CUL1: variants seen among roughly 807,000 people sequenced by gnomAD.
CUL1 encodes the protein cullin-1.
CUL1 carries 24 observed loss-of-function variants against 118.0 expected under a neutral mutation model. The ratio of observed to expected loss-of-function variants is 0.20; its 90% CI spans 0.15 to 0.29. The LOEUF is 0.29. CUL1 is among the 10% of genes least tolerant of loss of function. The pLI, the probability that CUL1 is intolerant of heterozygous loss-of-function variation, is 1.00. For missense variants in CUL1, 361 were observed against 933.8 expected (o/e 0.39, Z 7.99); for synonymous variants, 332 against 340.4 (o/e 0.98, Z 0.27).
intron 1 of CUL1, among the ~76,000 whole-genome samples, chr7:148,727,724 G>T: frequency 6.6e-6 from 1 of 152,054 alleles, no homozygotes. Context: ...AGAAGCAGTA[G>T]CAGATGCAGA....
At chr7:148,703,869 A>AG (rs578044926) in intron 1 of CUL1, among the ~76,000 whole-genome samples, 4 of 152,242 alleles carry the variant, frequency 2.6e-5, no homozygotes, top group South Asian at 4.1e-4. Flanking sequence ...CTGTCATTTT[A>AG]GGGGGGTAAG....
chr7:148,786,607 C>T lies in CUL1; in HGVS notation c.1347+8C>T, dbSNP rs376260518. The T allele has an allele frequency of 2.5e-6, 4 of 1,611,820 alleles. No individual in the cohort carries two copies. The highest frequency in any genetic ancestry group is 3.3e-5 in the Admixed American group (2 of 59,874). The stretch of plus-strand genomic sequence containing the variant: ...GACACACTCAATCAAGTGGTAAGTG[C>T]TTCATGAGCATACCCATTTCCAGTA... On this transcript the variant is annotated splice_region_variant and intron_variant, in intron 12 of 21. Transcript: ENST00000325222.
chr7:148,722,941 CCTT>C (rs1217202775), intron 1 of CUL1, among the ~76,000 whole-genome samples: 2 of 152,242 alleles, frequency 1.3e-5, no homozygotes, highest in African/African-American at 2.4e-5. Context: ...CCTTCTTACT[CCTT>C]CACAGCCCAC....
At chr7:148,776,653 TTCTC>T (rs1800412258) in intron 9 of CUL1, among the ~76,000 whole-genome samples, 1 of 152,060 alleles carries the variant, frequency 6.6e-6, no homozygotes, top group African/African-American at 2.4e-5. Context: ...ACACCCTTCT[TTCTC>T]TTAATTATAG....
chr7:148,758,361 T>C (rs1210080711), intron 4 of CUL1, among the ~76,000 whole-genome samples: 2 of 152,198 alleles, frequency 1.3e-5, no homozygotes, highest in African/African-American at 4.8e-5. Context: ...TTTGACAAAT[T>C]TAAAAGAAAA....
At chr7:148,729,916 C>T (rs1584773658) in intron 1 of CUL1, 46 bp from the exon 2 acceptor site, 1 of 549,640 alleles carries the variant, frequency 1.8e-6, no homozygotes, top group African/African-American at 1.9e-5. Context: ...CACCTTATTA[C>T]AGTACCCCAG....
intron 9 of CUL1, among the ~76,000 whole-genome samples, chr7:148,783,058 T>C (rs1001117158): frequency 6.6e-6 from 1 of 152,208 alleles, no homozygotes; most frequent in Admixed American, 6.5e-5. Context: ...TGAAGGGTGG[T>C]GGCGGCGTGC....
Position 148,800,896 on chromosome 7 carries a change from T to G in CUL1, c.*314T>G. 4.4e-6 allele frequency: 1 copy of G among 228,846 alleles called. No homozygotes were observed. The highest frequency in any genetic ancestry group is 8.5e-6 in the Non-Finnish European group (1 of 117,152). The allele number at this position is 228,846 out of a possible 1,614,324, so 14.2% of individuals were successfully genotyped here. On this transcript the variant is annotated 3_prime_UTR_variant, in exon 22 of 22. Transcript: ENST00000325222. The surrounding 1 kb of genome is among the most constrained non-coding windows in gnomAD (Gnocchi z 4.6). ...GGCTCCCCGATTCGCAGCTGTCGTC[T>G]TGGCAGCACTTGTCACGTTGGCAGC...
chr7:148,796,955 C>T (rs777363821), intron 17 of CUL1, among the ~76,000 whole-genome samples: 8 of 152,160 alleles, frequency 5.3e-5, no homozygotes, highest in Admixed American at 1.3e-4. Flanking sequence ...CCCATTATGA[C>T]GACAGGACTC....
At chr7:148,751,585 C>T (rs1799494143) in intron 2 of CUL1, among the ~76,000 whole-genome samples, 1 of 146,772 alleles carries the variant, frequency 6.8e-6, no homozygotes, top group Non-Finnish European at 1.5e-5. Context: ...CTTAGTATTT[C>T]TGTGCTCCAA....
intron 9 of CUL1, among the ~76,000 whole-genome samples, chr7:148,775,817 C>G (rs939827450): frequency 6.6e-6 from 1 of 151,098 alleles, no homozygotes; most frequent in African/African-American, 2.4e-5. Context: ...AATCTATATT[C>G]CTGCTAAAGA....
intron 9 of CUL1, among the ~76,000 whole-genome samples, chr7:148,781,604 A>G (rs1435345702): frequency 6.6e-6 from 1 of 152,258 alleles, no homozygotes; most frequent in Non-Finnish European, 1.5e-5. Flanking sequence ...ACATTTTGAG[A>G]AAATACAGAA....
intron 2 of CUL1, 147 bp downstream of exon 2, chr7:148,730,409 T>C (rs1798721757): frequency 1.0e-6 from 1 of 974,262 alleles, no homozygotes; most frequent in Admixed American, 2.9e-5. Context: ...CTTAAGTTTT[T>C]GAACAGAGTA....
At chr7:148,733,756 G>T (rs1189957868) in intron 2 of CUL1, among the ~76,000 whole-genome samples, 1 of 152,120 alleles carries the variant, frequency 6.6e-6, no homozygotes. Context: ...AGGAAAACTG[G>T]TTGAGAGAAA....
intron 1 of CUL1, among the ~76,000 whole-genome samples, chr7:148,702,099 C>G (rs901939682): frequency 2.6e-5 from 4 of 152,090 alleles, no homozygotes; most frequent in Non-Finnish European, 4.4e-5. Context: ...AAAATAGATC[C>G]TATTTGGATA....
chr7:148,787,318 C>T lies in CUL1; in HGVS notation c.1479+198C>T, dbSNP rs751843630. Among the ~76,000 whole-genome samples the T allele has an allele frequency of 1.1e-4, 16 of 151,894 alleles. No individual in the cohort carries two copies. The highest frequency in any genetic ancestry group is 2.0e-4 in the Admixed American group (3 of 15,262). Reference sequence around the variant, plus strand: ...TCTGCTAAAAATACAAAACATTAGCCGGGCATGGTGGTGGGCGCCTGTAGT... The same window carrying T: ...TCTGCTAAAAATACAAAACATTAGCTGGGCATGGTGGTGGGCGCCTGTAGT... On this transcript the variant is annotated intron_variant, in intron 13 of 21. Transcript: ENST00000325222. The surrounding 1 kb of genome is among the most constrained non-coding windows in gnomAD (Gnocchi z 5.5).
intron 1 of CUL1, among the ~76,000 whole-genome samples, chr7:148,728,853 A>T (rs369022254): frequency 1.5e-4 from 23 of 152,188 alleles, no homozygotes; most frequent in African/African-American, 4.6e-4. Context: ...GCCATTGAGG[A>T]TATAGGATGA....
chr7:148,761,847 G>A (rs1037791784), intron 7 of CUL1, among the ~76,000 whole-genome samples: 1 of 152,230 alleles, frequency 6.6e-6, no homozygotes, highest in Non-Finnish European at 1.5e-5. Context: ...CACAGACGGT[G>A]GCTGGGGGAA....
intron 9 of CUL1, among the ~76,000 whole-genome samples, chr7:148,769,326 C>T (rs1056548393): frequency 1.3e-5 from 2 of 151,204 alleles, no homozygotes; most frequent in Admixed American, 1.3e-4. Flanking sequence ...AATTTAAAAA[C>T]TCATTTCAAA....
Sources: allele counts gnomAD v4.1 joint callset (sites outside exome capture counted in the v4.1 genomes callset), GRCh38; gene constraint gnomAD v4.1.1; non-coding constraint Gnocchi (gnomAD v3.1); transcripts MANE v1.5; gene names NCBI Gene and HGNC (gene_info 2026-07-23, HGNC 2026-07-21).